Variants in WDR45B observed in about 807,000 individuals in gnomAD.
WDR45B encodes the protein WD repeat domain phosphoinositide-interacting protein 3.
WDR45B carries 20 observed loss-of-function variants against 44.6 expected under a neutral mutation model. The ratio of observed to expected loss-of-function variants is 0.45; its 90% CI spans 0.32 to 0.65. WDR45B has a LOEUF of 0.65. Ranked by LOEUF, WDR45B falls within the 30% of genes least tolerant of loss-of-function variation. WDR45B has a pLI of 0.05. For synonymous variants in WDR45B, 169 were observed against 164.9 expected (o/e 1.02, Z -0.19); for missense variants, 323 against 430.2 (o/e 0.75, Z 2.20).
intron 2 of WDR45B, among the ~76,000 whole-genome samples, chr17:82,638,094 G>A (rs1304353418): frequency 6.7e-6 from 1 of 148,798 alleles, no homozygotes; most frequent in African/African-American, 2.5e-5. Flanking sequence ...GCTGAGGCAC[G>A]AGAATCGCTT....
At chr17:82,629,406 T>G in intron 3 of WDR45B, 1 of 714,198 alleles carries the variant, frequency 1.4e-6, no homozygotes, top group Non-Finnish European at 1.7e-6. Context: ...CTGCTCTCTC[T>G]GTGGAACCTC....
chr17:82,645,651 T>A (rs1005213202), intron 1 of WDR45B, among the ~76,000 whole-genome samples: 6 of 152,188 alleles, frequency 3.9e-5, no homozygotes, highest in African/African-American at 1.4e-4. Flanking sequence ...TATATAGAAG[T>A]ACATGCCTGT....
At chr17:82,643,715 A>C (rs2045944300) in intron 2 of WDR45B, among the ~76,000 whole-genome samples, 1 of 152,176 alleles carries the variant, frequency 6.6e-6, no homozygotes, top group African/African-American at 2.4e-5. Context: ...GCTGATCGAT[A>C]ATTCACTAGA....
intron 3 of WDR45B, among the ~76,000 whole-genome samples, chr17:82,628,048 G>A (rs1055314109): frequency 2.0e-5 from 3 of 152,106 alleles, no homozygotes; most frequent in African/African-American, 7.2e-5. Flanking sequence ...GCTGGAGTGC[G>A]GTGGCGCAAT....
At chr17:82,639,983 G>GC in intron 2 of WDR45B, among the ~76,000 whole-genome samples, 5 of 150,210 alleles carry the variant, frequency 3.3e-5, no homozygotes, top group South Asian at 2.1e-4. Context: ...GGTCGGGAGG[G>GC]TGGCTGGGCT....
chr17:82,623,319 G>A (rs1165284324), intron 5 of WDR45B, among the ~76,000 whole-genome samples: 13 of 150,976 alleles, frequency 8.6e-5, no homozygotes, highest in Admixed American at 4.0e-4. Context: ...CCCAGGAGGC[G>A]GAGGTTGCAG....
chr17:82,627,571 C>T (rs796187342), intron 3 of WDR45B, among the ~76,000 whole-genome samples: 12 of 152,406 alleles, frequency 7.9e-5, no homozygotes, highest in African/African-American at 2.6e-4. Context: ...ATTCCTCTCT[C>T]AGTGTGCACA....
chr17:82,629,066 C>T (rs1319911468), intron 3 of WDR45B, among the ~76,000 whole-genome samples: 1 of 152,184 alleles, frequency 6.6e-6, no homozygotes, highest in Non-Finnish European at 1.5e-5. Flanking sequence ...ACAAAAAGTA[C>T]ATTTACTCAA....
At chr17:82,618,854 C>T (rs2045574450) in intron 7 of WDR45B, among the ~76,000 whole-genome samples, 189 bp downstream of exon 7, 1 of 152,210 alleles carries the variant, frequency 6.6e-6, no homozygotes, top group Non-Finnish European at 1.5e-5. Flanking sequence ...TAATTTCCCA[C>T]GATAAAAACT....
intron 2 of WDR45B, among the ~76,000 whole-genome samples, chr17:82,635,648 C>T (rs2045823504): frequency 6.6e-6 from 1 of 151,822 alleles, no homozygotes; most frequent in African/African-American, 2.4e-5. Flanking sequence ...GTCTCGAACT[C>T]CTGACCTCAG....
chr17:82,646,184 G>A (rs1249345382), intron 1 of WDR45B, among the ~76,000 whole-genome samples: 4 of 150,604 alleles, frequency 2.7e-5, no homozygotes, highest in African/African-American at 9.8e-5. Flanking sequence ...TCACAAACAT[G>A]ATGTTGAGTA....
chr17:82,618,932 G>A (rs897536002), intron 7 of WDR45B, 111 bp downstream of exon 7: 1 of 939,486 alleles, frequency 1.1e-6, no homozygotes, highest in Non-Finnish European at 1.7e-6. Flanking sequence ...CCCTCCTCTG[G>A]CCTTATTCGG....
At chr17:82,645,349 C>G (rs1288489871) in intron 1 of WDR45B, among the ~76,000 whole-genome samples, 1 of 151,680 alleles carries the variant, frequency 6.6e-6, no homozygotes, top group Non-Finnish European at 1.5e-5. Context: ...AAACCACCTC[C>G]TAGAAATCCA....
rs1377472370 is a variant in WDR45B at position 82,644,043 on chromosome 17, G to C, written c.68-20C>G. On this transcript the variant is annotated intron_variant, in intron 1 of 9. Coordinates refer to ENST00000392325, the MANE Select transcript of WDR45B (RefSeq NM_019613.4). ...AGCATCCTAAAGCAGAAGTGTAAAA[G>C]AGACATTAATCCCCAGGCCTGGAGT... The C allele has an allele frequency of 1.9e-6, 3 of 1,613,514 alleles. No individual in the cohort carries two copies. Among genetic ancestry groups the C allele is most frequent in the African/African-American group, 1.3e-5 (1 of 75,020 alleles).
At chr17:82,630,704 G>A (rs1341202562) in intron 3 of WDR45B, among the ~76,000 whole-genome samples, 6 of 152,156 alleles carry the variant, frequency 3.9e-5, no homozygotes, top group African/African-American at 1.2e-4. Flanking sequence ...TGAAACGCAC[G>A]TGTTCTATGA....
chr17:82,644,031 A>G lies in WDR45B; in HGVS notation c.68-8T>C. ...TCCCACACGCAAAGCATCCTAAAGC[A>G]GAAGTGTAAAAGAGACATTAATCCC... On this transcript the variant is annotated splice_region_variant and splice_polypyrimidine_tract_variant and intron_variant, in intron 1 of 9. Transcript: ENST00000392325. 1 of 1,614,066 alleles carries G rather than the reference A, an allele frequency of 6.2e-7. No individual in the cohort carries two copies. The highest frequency in any genetic ancestry group is 8.5e-7 in the Non-Finnish European group (1 of 1,179,958).
At chr17:82,623,110 G>C (rs111276463) in intron 5 of WDR45B, among the ~76,000 whole-genome samples, 9,048 of 152,262 alleles carry the variant, frequency 0.059, 364 homozygotes, top group Middle Eastern at 0.14. Flanking sequence ...GAATTCTTAC[G>C]GCCGGGCACA....
intron 2 of WDR45B, among the ~76,000 whole-genome samples, chr17:82,634,479 G>A (rs879736733): frequency 2.0e-5 from 3 of 151,342 alleles, no homozygotes; most frequent in Non-Finnish European, 4.4e-5. Flanking sequence ...GCGACAGGGC[G>A]AGACTCTGTC....
At chr17:82,621,311 C>G (rs892201981) in intron 6 of WDR45B, among the ~76,000 whole-genome samples, 1 of 152,208 alleles carries the variant, frequency 6.6e-6, no homozygotes, top group Non-Finnish European at 1.5e-5. Flanking sequence ...GCCTTGGCCT[C>G]CCAAATTGCT....
Sources: gnomAD v4.1 joint callset for allele counts (sites outside exome capture counted in the v4.1 genomes callset) on GRCh38, gnomAD v4.1.1 for gene constraint, MANE v1.5 for transcripts, NCBI Gene and HGNC (gene_info 2026-07-23, HGNC 2026-07-21) for gene names.